UNC13C: variants seen among roughly 807,000 people sequenced by gnomAD.
UNC13C encodes unc-13 homolog C.
A neutral mutation model predicts 245.4 loss-of-function variants in UNC13C; 174 were observed. The ratio of observed to expected loss-of-function variants is 0.71; its 90% CI spans 0.63 to 0.80. The LOEUF (loss-of-function observed/expected upper bound fraction) is 0.80. Ranked by LOEUF, UNC13C falls within the 30% of genes least tolerant of loss-of-function variation. UNC13C has a pLI of 0.00. For synonymous variants in UNC13C, 992 were observed against 895.1 expected (o/e 1.11, Z -1.93); for missense variants, 2,829 against 2,602.9 (o/e 1.09, Z -1.89).
the UNC13C span, among the ~76,000 whole-genome samples, chr15:53,925,959 C>G: frequency 6.6e-6 from 1 of 152,110 alleles, no homozygotes; most frequent in Non-Finnish European, 1.5e-5. Context: ...CCTTGAAGAG[C>G]AACCACGGAT....
chr15:54,452,060 C>T (rs569196667), intron 19 of UNC13C, among the ~76,000 whole-genome samples: 1 of 152,310 alleles, frequency 6.6e-6, no homozygotes, highest in African/African-American at 2.4e-5. Flanking sequence ...GTGATTTCCT[C>T]AGTGACTTAG....
intron 30 of UNC13C, among the ~76,000 whole-genome samples, chr15:54,584,146 T>C (rs529279013): frequency 2.8e-4 from 43 of 152,278 alleles, no homozygotes; most frequent in African/African-American, 7.9e-4. Context: ...CTCCTGGAGA[T>C]TGGCTGGTTT....
chr15:53,929,653 G>C, the UNC13C span, among the ~76,000 whole-genome samples: 1 of 152,092 alleles, frequency 6.6e-6, no homozygotes, highest in African/African-American at 2.4e-5. Flanking sequence ...AATTTTAAGA[G>C]GAAAACTTCT....
At chr15:54,095,931 A>T (rs1029313463) in intron 2 of UNC13C, among the ~76,000 whole-genome samples, 15 of 152,214 alleles carry the variant, frequency 9.9e-5, no homozygotes, top group Non-Finnish European at 1.5e-4. Context: ...GTCTTGAAAG[A>T]CACACAGCAC....
chr15:54,433,092 G>A (rs967849288), intron 19 of UNC13C, among the ~76,000 whole-genome samples: 3 of 150,798 alleles, frequency 2.0e-5, no homozygotes, highest in African/African-American at 4.9e-5. Context: ...TGAAATTGAG[G>A]CATATCCTAC....
chr15:54,401,725 C>T (rs2040189377), intron 18 of UNC13C, among the ~76,000 whole-genome samples: 1 of 152,054 alleles, frequency 6.6e-6, no homozygotes, highest in South Asian at 2.1e-4. Context: ...CCTGATGATC[C>T]CCATCTGTGG....
At chr15:54,610,952 C>G (rs1361227247) in intron 30 of UNC13C, among the ~76,000 whole-genome samples, 1 of 152,174 alleles carries the variant, frequency 6.6e-6, no homozygotes, top group Non-Finnish European at 1.5e-5. Flanking sequence ...TTTTAGACAA[C>G]TATACTTTTT....
intron 17 of UNC13C, among the ~76,000 whole-genome samples, chr15:54,353,575 A>G (rs1596270584): frequency 1.3e-5 from 2 of 152,200 alleles, no homozygotes; most frequent in East Asian, 3.9e-4. Context: ...GGCTTCTGCT[A>G]AAACTATCTT....
At chr15:53,910,302 G>A in the UNC13C span, among the ~76,000 whole-genome samples, 8,716 of 145,554 alleles carry the variant, frequency 0.06, 1,184 homozygotes, top group African/African-American at 0.2. Flanking sequence ...AGGCTGTGAG[G>A]TACGTGGATG....
the UNC13C span, among the ~76,000 whole-genome samples, chr15:53,901,445 C>T: frequency 1.9e-3 from 291 of 151,664 alleles, 1 homozygote; most frequent in Non-Finnish European, 3.4e-3. Context: ...AGGATGGTCT[C>T]GATCTCCCGA....
At chr15:54,568,269 A>C (rs1897602977) in intron 30 of UNC13C, among the ~76,000 whole-genome samples, 1 of 152,126 alleles carries the variant, frequency 6.6e-6, no homozygotes, top group South Asian at 2.1e-4. Flanking sequence ...ATTTTCTTCA[A>C]TTCAGTATAA....
At chr15:54,475,180 T>C (rs1892659533) in intron 19 of UNC13C, among the ~76,000 whole-genome samples, 1 of 151,960 alleles carries the variant, frequency 6.6e-6, no homozygotes, top group Admixed American at 6.6e-5. Flanking sequence ...CCTAGACCAG[T>C]GTTCTGAAGT....
chr15:53,875,945 A>T, the UNC13C span, among the ~76,000 whole-genome samples: 1 of 152,232 alleles, frequency 6.6e-6, no homozygotes, highest in African/African-American at 2.4e-5. Context: ...TAAGGAAAGG[A>T]TGCCAATTCA....
chr15:54,576,625 T>C (rs890382102), intron 30 of UNC13C, among the ~76,000 whole-genome samples: 5 of 152,158 alleles, frequency 3.3e-5, no homozygotes, highest in African/African-American at 1.2e-4. Flanking sequence ...TACATCCTGC[T>C]TCCAGGACAC....
intron 19 of UNC13C, among the ~76,000 whole-genome samples, chr15:54,488,980 G>T (rs1025375784): frequency 6.6e-6 from 1 of 152,156 alleles, no homozygotes; most frequent in African/African-American, 2.4e-5. Context: ...CCACTAAGCA[G>T]AAGATAATTT....
chr15:53,938,435 T>C, the UNC13C span, among the ~76,000 whole-genome samples: 1 of 151,896 alleles, frequency 6.6e-6, no homozygotes, highest in African/African-American at 2.4e-5. Flanking sequence ...TCACTGACAA[T>C]ACTAGACAGA....
chr15:54,605,288 T>G (rs1899705947), intron 30 of UNC13C, among the ~76,000 whole-genome samples: 2 of 152,168 alleles, frequency 1.3e-5, no homozygotes, highest in African/African-American at 4.8e-5. Flanking sequence ...GTAGAATCAC[T>G]GAAACTGCTT....
At chr15:54,339,685 G>A (rs930686739) in intron 17 of UNC13C, among the ~76,000 whole-genome samples, 16 of 149,836 alleles carry the variant, frequency 1.1e-4, no homozygotes, top group Non-Finnish European at 1.9e-4. Flanking sequence ...TTATTCACTC[G>A]TTGATTGATG....
chr15:54,542,268 T>A (rs984932482), intron 26 of UNC13C, among the ~76,000 whole-genome samples: 11 of 152,180 alleles, frequency 7.2e-5, no homozygotes, highest in African/African-American at 2.2e-4. Context: ...CCAGGAGTCA[T>A]TTAGGAGCAG....
Sources: gnomAD v4.1 joint callset for allele counts (sites outside exome capture counted in the v4.1 genomes callset) on GRCh38, gnomAD v4.1.1 for gene constraint, MANE v1.5 for transcripts, NCBI Gene and HGNC (gene_info 2026-07-23, HGNC 2026-07-21) for gene names.